SKIL: variants seen among roughly 807,000 people sequenced by gnomAD.
The protein encoded by SKIL is SKI like proto-oncogene.
SKIL carries 20 observed loss-of-function variants against 69.6 expected under a neutral mutation model. The ratio of observed to expected loss-of-function variants is 0.29; its 90% CI spans 0.20 to 0.42. SKIL has a LOEUF of 0.42. SKIL is among the 10% of genes least tolerant of loss of function. The probability of loss-of-function intolerance (pLI) is 1.00; values close to 1 mark genes in which losing one functional copy is unlikely to be tolerated. For synonymous variants in SKIL, 310 were observed against 279.9 expected (o/e 1.11, Z -1.08); for missense variants, 745 against 783.1 (o/e 0.95, Z 0.58).
intron 2 of SKIL, among the ~76,000 whole-genome samples, chr3:170,380,629 C>T (rs202095060): frequency 2.0e-5 from 3 of 149,588 alleles, no homozygotes; most frequent in African/African-American, 5.0e-5. Flanking sequence ...GGTGACAGAG[C>T]GAGACTCCAT....
chr3:170,361,348 T>C lies in SKIL; in HGVS notation c.1017T>C (p.Pro339=). ...TGAACCAAAAATACTTAGGAACACC[T>C]GAAGAAAAGAAACTGAAGATAATTT... The part of the protein sequence containing the change: ...LHVNQKYLGT[P]EEKKLKIILE... Residue 339 remains proline, a synonymous_variant, in exon 2 of 7, where the codon CCT becomes CCC. Transcript: ENST00000259119. 1 of 1,610,678 alleles carries C rather than the reference T, an allele frequency of 6.2e-7. No homozygotes were observed. The highest frequency in any genetic ancestry group is 2.2e-5 in the East Asian group (1 of 44,876).
At chr3:170,367,365 A>G (rs1001084275) in intron 2 of SKIL, among the ~76,000 whole-genome samples, 6 of 151,684 alleles carry the variant, frequency 4.0e-5, no homozygotes, top group Admixed American at 1.3e-4. Flanking sequence ...CCAAAGTGCT[A>G]GGATTACAGG....
intron 2 of SKIL, among the ~76,000 whole-genome samples, chr3:170,376,725 A>C (rs1737052320): frequency 6.6e-6 from 1 of 151,982 alleles, no homozygotes; most frequent in Non-Finnish European, 1.5e-5. Flanking sequence ...ACAGGCACAC[A>C]TCACCTTGCC....
intron 4 of SKIL, among the ~76,000 whole-genome samples, chr3:170,386,189 G>C (rs566595638): frequency 1.3e-5 from 2 of 151,650 alleles, no homozygotes; most frequent in Non-Finnish European, 2.9e-5. Context: ...AGAGTGCAAC[G>C]GTGTGATCTC....
Position 170,391,062 on chromosome 3 carries a change from A to T in SKIL, c.1698A>T (p.Lys566Asn). Reference sequence around the variant, plus strand: ...AAGTAAAAATGTTGAGTAGTTCAAAATCTATGAAGGAACTCACTGAAGAAC... The same window carrying T: ...AAGTAAAAATGTTGAGTAGTTCAAATTCTATGAAGGAACTCACTGAAGAAC... ...QMEVKMLSSS[K>N]SMKELTEEQQ... The change falls in exon 6 of 7, where the codon AAA becomes AAT. Residue 566 changes from lysine (K) to asparagine (N), a missense_variant. Coordinates refer to ENST00000259119, the MANE Select transcript of SKIL (RefSeq NM_005414.5). The T allele has an allele frequency of 6.3e-7, 1 of 1,589,940 alleles. No homozygotes were observed. The highest frequency in any genetic ancestry group is 1.3e-5 in the African/African-American group (1 of 74,290).
intron 1 of SKIL, 48 bp from the exon 2 acceptor site, chr3:170,359,651 A>T (rs942182809): frequency 1.3e-5 from 2 of 151,744 alleles, no homozygotes; most frequent in African/African-American, 4.8e-5. Flanking sequence ...TGGCCTCTGG[A>T]GCAAATTCAA....
intron 2 of SKIL, among the ~76,000 whole-genome samples, chr3:170,378,717 A>G (rs1737169553): frequency 6.6e-6 from 1 of 151,274 alleles, no homozygotes. Context: ...ATGTCCAGCT[A>G]ATTTTTGTAG....
intron 4 of SKIL, among the ~76,000 whole-genome samples, chr3:170,385,992 A>C (rs1015207416): frequency 4.0e-5 from 6 of 151,526 alleles, no homozygotes; most frequent in African/African-American, 1.2e-4. Flanking sequence ...GGTTTTCTCC[A>C]TGTTGGTCAG....
At chr3:170,367,229 C>G (rs946900803) in intron 2 of SKIL, among the ~76,000 whole-genome samples, 2 of 150,812 alleles carry the variant, frequency 1.3e-5, no homozygotes, top group Non-Finnish European at 3.0e-5. Context: ...CTGCCTCAGC[C>G]CCCTGAGTAG....
At chr3:170,364,384 C>G (rs916954909) in intron 2 of SKIL, among the ~76,000 whole-genome samples, 33 of 135,630 alleles carry the variant, frequency 2.4e-4, no homozygotes, top group Non-Finnish European at 9.1e-5. Flanking sequence ...AGTACAATGG[C>G]GCGATCTCAG....
Position 170,359,946 on chromosome 3 carries a change from C to T in SKIL, c.-386C>T, listed in dbSNP as rs755891702. 8 of 159,890 alleles carry T rather than the reference C, an allele frequency of 5.0e-5. No individual in the cohort carries two copies. The highest frequency in any genetic ancestry group is 9.6e-5 in the Non-Finnish European group (7 of 73,248). 9.9% of individuals were successfully genotyped at this position (159,890 alleles called of 1,614,324 possible). On this transcript the variant is annotated 5_prime_UTR_variant, in exon 2 of 7. Coordinates refer to ENST00000259119, the MANE Select transcript of SKIL (RefSeq NM_005414.5). ...CTAGATTTTATGGCACAAGGAATGG[C>T]ATAAACTTTTCATGTGTTTTGGTTA...
rs1428660032 is a variant in SKIL at position 170,360,525 on chromosome 3, A to G, written c.194A>G (p.Asp65Gly). 3.1e-6 allele frequency: 5 copies of G among 1,614,096 alleles called. No homozygotes were observed. The highest frequency in any genetic ancestry group is 4.2e-6 in the Non-Finnish European group (5 of 1,180,032). Residue 65 changes from aspartate to glycine, a missense_variant, in exon 2 of 7, where the codon GAT becomes GGT. Transcript: ENST00000259119. ...TATGGAGAAGCACCAGTGGAAACTG[A>G]TGGAGAGCATGTTAAGCGAACCTGT... is the stretch of plus-strand genomic sequence containing the variant. ...DDYGEAPVETDGEHVKRTCTS... is the reference protein window; with the variant it reads ...DDYGEAPVETGGEHVKRTCTS...
rs189581142 is a variant in SKIL at position 170,374,476 on chromosome 3, A to G, written c.1099-6768A>G. On this transcript the variant is annotated intron_variant, in intron 2 of 6. Transcript: ENST00000259119. Reference sequence around the variant, plus strand: ...ATTGTATTTTAAAATTTAAATACACATAAAAATAAATGATTCCTATGTTGA... The same window carrying G: ...ATTGTATTTTAAAATTTAAATACACGTAAAAATAAATGATTCCTATGTTGA... Among the ~76,000 whole-genome samples the G allele has an allele frequency of 4.1e-3, 621 of 152,378 alleles. 5 individuals are homozygous for G. Among genetic ancestry groups the G allele is most frequent in the Non-Finnish European group, 6.1e-3 (415 of 68,038 alleles).
chr3:170,366,702 C>CAGACACACAG (rs1215925249), intron 2 of SKIL, among the ~76,000 whole-genome samples: 1 of 151,016 alleles, frequency 6.6e-6, no homozygotes, highest in Non-Finnish European at 1.5e-5. Flanking sequence ...CACAGACACA[C>CAGACACACAG]ACACACACAC....
chr3:170,372,687 A>G (rs1736848701), intron 2 of SKIL, among the ~76,000 whole-genome samples: 1 of 152,166 alleles, frequency 6.6e-6, no homozygotes, highest in Non-Finnish European at 1.5e-5. Flanking sequence ...GAAATCATTT[A>G]TTGACCACTT....
rs1375321484 is a variant in SKIL, at chr3:170,393,100, GGTTATA to G, written c.*688_*693del. On this transcript the variant is annotated 3_prime_UTR_variant, in exon 7 of 7. Transcript: ENST00000259119. ...GTAATTTGTTTTTCAGTTTAAATGT[GGTTATA>G]GTTAGATTTTTTTTTAAGCAGCAAC... The G allele has an allele frequency of 6.6e-6, 1 of 152,058 alleles. No homozygotes were observed. Among genetic ancestry groups the G allele is most frequent in the Non-Finnish European group, 1.5e-5 (1 of 67,992 alleles). The allele number at this position is 152,058 out of a possible 1,614,324, so 9.4% of individuals were successfully genotyped here. A position where few individuals can be genotyped will look rare whatever the true frequency, so the allele number is the denominator to read the frequency against.
chr3:170,371,478 G>A (rs1052032167), intron 2 of SKIL, among the ~76,000 whole-genome samples: 3 of 152,182 alleles, frequency 2.0e-5, no homozygotes, highest in Non-Finnish European at 4.4e-5. Context: ...CTGCACTCCA[G>A]CCTGGGCAAC....
At chr3:170,384,051 A>C (rs561667744) in intron 3 of SKIL, among the ~76,000 whole-genome samples, 159 of 152,002 alleles carry the variant, frequency 1.0e-3, no homozygotes, top group African/African-American at 3.4e-3. Context: ...AAAAAAAAAA[A>C]ACACGAAATT....
At position 170,392,337 on chromosome 3, in the gene SKIL, G is replaced by A. The variant is rs1737966411; in HGVS notation, c.1975G>A (p.Glu659Lys). The A allele has an allele frequency of 6.2e-7, 1 of 1,613,114 alleles. No homozygotes were observed. Among genetic ancestry groups the A allele is most frequent in the Admixed American group, 1.7e-5 (1 of 59,988 alleles). ...CCAAGATGAACTCAGACAGGAACGG[G>A]AAGCAAGACAGAAGTTAGAGATGAT... ...ELQDELRQER[E>K]ARQKLEMMIK... Residue 659 changes from glutamate to lysine, a missense_variant, in exon 7 of 7, where the codon GAA (glutamate) becomes AAA (lysine). Transcript: ENST00000259119.
Sources: allele counts gnomAD v4.1 joint callset (sites outside exome capture counted in the v4.1 genomes callset), GRCh38; gene constraint gnomAD v4.1.1; transcripts MANE v1.5; gene names NCBI Gene and HGNC (gene_info 2026-07-23, HGNC 2026-07-21).